MRPL34: variants seen among roughly 807,000 people sequenced by gnomAD.
MRPL34 encodes large ribosomal subunit protein bL34m.
In MRPL34, 8 loss-of-function variants were observed where a neutral mutation model predicts 6.7. That is an observed-to-expected ratio of 1.20 (90% CI 0.70 to 2.16). The LOEUF is 2.16. Among genes scored for constraint, MRPL34 ranks in the 30% most tolerant of loss-of-function variants. The pLI, the probability that MRPL34 is intolerant of heterozygous loss-of-function variation, is 0.00. For missense variants in MRPL34, 146 were observed against 125.5 expected, an observed-to-expected ratio of 1.16 and a Z score of -0.78; for synonymous variants, 59 against 55.1, an observed-to-expected ratio of 1.07 and a Z score of -0.31.
chr19:17,306,243 C>T lies in MRPL34; in HGVS notation c.143C>T (p.Ala48Val), dbSNP rs1374785467. The T allele has an allele frequency of 1.3e-6, 2 of 1,584,826 alleles. No homozygotes were observed. The highest frequency in any genetic ancestry group is 2.3e-5 in the East Asian group (1 of 43,262). The change falls in exon 2 of 2, where the codon GCT becomes GTT. Residue 48 changes from alanine to valine, a missense_variant. Ala to Val is a moderately conservative substitution (Grantham distance 64, BLOSUM62 0). Transcript: ENST00000252602. ...ACCCCGCAGCAGGCCCGGGGCAAGGCTCGCGGGAATGAGTATCAGCCGAGC... is the reference window on the plus strand; with the variant it reads ...ACCCCGCAGCAGGCCCGGGGCAAGGTTCGCGGGAATGAGTATCAGCCGAGC... ...LPTPQQARGK[A>V]RGNEYQPSNI...
Position 17,306,674 on chromosome 19 carries a change from T to C in MRPL34, c.*295T>C. On this transcript the variant is annotated 3_prime_UTR_variant, in exon 2 of 2. Coordinates refer to ENST00000252602, the MANE Select transcript of MRPL34 (RefSeq NM_023937.4). ...GTCCCTGCCCCATCCTGAGTTCTTT[T>C]GAAGCTGATCTCAGGCATCGGATTA... is the stretch of plus-strand genomic sequence containing the variant. 4 of 262,160 alleles carry C rather than the reference T, an allele frequency of 1.5e-5. No homozygotes were observed. The highest frequency in any genetic ancestry group is 2.2e-5 in the African/African-American group (1 of 45,216). 16.2% of individuals were successfully genotyped at this position (262,160 alleles called of 1,614,324 possible).
intron 1 of MRPL34, among the ~76,000 whole-genome samples, chr19:17,297,415 C>T (rs569657703): frequency 1.4e-4 from 22 of 152,106 alleles, no homozygotes; most frequent in Non-Finnish European, 3.1e-4. Flanking sequence ...CCTGCCTCAG[C>T]CTCCCAAGTA....
At chr19:17,292,898 G>T in intron 1 of MRPL34, 1 of 1,533,270 alleles carries the variant, frequency 6.5e-7, no homozygotes, top group South Asian at 1.2e-5. Flanking sequence ...GCTTCCCTGG[G>T]ACTCCGCCAT....
chr19:17,301,805 TG>T (rs1440925333), upstream of MRPL34, among the ~76,000 whole-genome samples: 6 of 148,656 alleles, frequency 4.0e-5, no homozygotes, highest in Non-Finnish European at 9.0e-5. Flanking sequence ...TGTGTGTGTG[TG>T]TGTTTTTGAG....
chr19:17,305,782 T>C (rs1201947386), upstream of MRPL34: 1 of 146,230 alleles, frequency 6.8e-6, no homozygotes, highest in South Asian at 7.5e-5. Context: ...CAACGGCCTC[T>C]TTTTTGCACG....
chr19:17,297,240 A>G (rs1160483832), intron 1 of MRPL34, among the ~76,000 whole-genome samples: 1 of 151,950 alleles, frequency 6.6e-6, no homozygotes, highest in Non-Finnish European at 1.5e-5. Context: ...AAATGTGCTG[A>G]CCTAATAGCA....
At chr19:17,294,825 A>G in intron 1 of MRPL34, 1 of 1,614,104 alleles carries the variant, frequency 6.2e-7, no homozygotes. Flanking sequence ...CTCATGTGCC[A>G]GGAATGTGCA....
upstream of MRPL34, among the ~76,000 whole-genome samples, chr19:17,299,560 C>T (rs1463512754): frequency 1.9e-5 from 1 of 51,504 alleles, no homozygotes; most frequent in Admixed American, 2.4e-4. Context: ...GACTCCATCT[C>T]AAAAAAAAAA....
chr19:17,295,313 G>A (rs1250933416), intron 1 of MRPL34, among the ~76,000 whole-genome samples: 5 of 151,638 alleles, frequency 3.3e-5, no homozygotes, highest in Non-Finnish European at 7.4e-5. Context: ...CACCATGTTG[G>A]TCGGGCTGGT....
At chr19:17,305,094 T>C (rs1255833528), upstream of MRPL34, among the ~76,000 whole-genome samples, 2 of 151,486 alleles carry the variant, frequency 1.3e-5, no homozygotes, top group East Asian at 1.9e-4. Context: ...GAGAGGAGAG[T>C]GTGGCTGAAA....
At chr19:17,293,954 G>T (rs8112691) in intron 1 of MRPL34, among the ~76,000 whole-genome samples, 2 of 152,096 alleles carry the variant, frequency 1.3e-5, no homozygotes, top group South Asian at 4.2e-4. Context: ...CCCTGGTGCC[G>T]GTCTTCTAGA....
At chr19:17,302,604 G>C (rs1049810283), upstream of MRPL34, among the ~76,000 whole-genome samples, 1 of 152,154 alleles carries the variant, frequency 6.6e-6, no homozygotes, top group African/African-American at 2.4e-5. Context: ...GCCGGGGTCT[G>C]TTTCATAGAG....
upstream of MRPL34, chr19:17,300,927 C>T: frequency 6.2e-7 from 1 of 1,612,326 alleles, no homozygotes; most frequent in Non-Finnish European, 8.5e-7. Context: ...TGTCCTCAGC[C>T]AGCGCATAGA....
upstream of MRPL34, chr19:17,297,920 T>TG (rs2074100698): frequency 6.7e-6 from 1 of 148,492 alleles, no homozygotes; most frequent in South Asian, 2.1e-4. Flanking sequence ...CTTTTTTCTT[T>TG]TTTTTTTTTT....
upstream of MRPL34, chr19:17,292,601 G>A: frequency 6.6e-7 from 1 of 1,516,970 alleles, no homozygotes; most frequent in Non-Finnish European, 8.8e-7. Flanking sequence ...ACCTGGCGCA[G>A]GCTCGGGCCT....
chr19:17,301,589 A>T, upstream of MRPL34: 1 of 1,576,066 alleles, frequency 6.3e-7, no homozygotes. Context: ...AGGCAACAGA[A>T]GATACCGTCG....
At chr19:17,298,547 G>C (rs1461347585), upstream of MRPL34, 3 of 152,024 alleles carry the variant, frequency 2.0e-5, no homozygotes, top group Non-Finnish European at 4.4e-5. Flanking sequence ...TTCTCAGCTG[G>C]GGGTAATTCT....
upstream of MRPL34, chr19:17,301,279 G>A: frequency 6.2e-7 from 1 of 1,604,356 alleles, no homozygotes; most frequent in Non-Finnish European, 8.5e-7. Flanking sequence ...GGCGGCCGGC[G>A]GCTCCCCAGA....
intron 1 of MRPL34, 34 bp from the exon 2 acceptor site, chr19:17,306,132 T>C (rs946512619): frequency 2.0e-6 from 3 of 1,499,516 alleles, no homozygotes; most frequent in Non-Finnish European, 2.7e-6. Flanking sequence ...CAGCGCCCCG[T>C]CTGACCTTTC....
Sources: allele counts gnomAD v4.1 joint callset (sites outside exome capture counted in the v4.1 genomes callset), GRCh38; gene constraint gnomAD v4.1.1; transcripts MANE v1.5; gene names NCBI Gene and HGNC (gene_info 2026-07-23, HGNC 2026-07-21).